CRPPA: variants seen among roughly 807,000 people sequenced by gnomAD.
The protein encoded by CRPPA is D-ribitol-5-phosphate cytidylyltransferase.
In CRPPA, 43 loss-of-function variants were observed where a neutral mutation model predicts 52.0. That is an observed-to-expected ratio of 0.83 (90% CI 0.65 to 1.07). The LOEUF (loss-of-function observed/expected upper bound fraction) is 1.07. Ranked by LOEUF, CRPPA falls within the 50% of genes least tolerant of loss-of-function variation. The pLI, the probability that CRPPA is intolerant of heterozygous loss-of-function variation, is 0.00. For synonymous variants in CRPPA, 250 were observed against 203.5 expected, an observed-to-expected ratio of 1.23 and a Z score of -1.94; for missense variants, 629 against 551.7, an observed-to-expected ratio of 1.14 and a Z score of -1.40.
At chr7:16,393,090 T>C (rs7792985) in intron 2 of CRPPA, among the ~76,000 whole-genome samples, 3,288 of 152,214 alleles carry the variant, frequency 0.022, 113 homozygotes, top group African/African-American at 0.075. Context: ...GATACAATAA[T>C]GCAAAATATT....
intron 4 of CRPPA, 75 bp from the exon 5 acceptor site, chr7:16,301,541 G>T: frequency 9.5e-7 from 1 of 1,050,408 alleles, no homozygotes; most frequent in Non-Finnish European, 1.4e-6. Flanking sequence ...ATGCCCCCAA[G>T]GAAATTCTTG....
At position 16,269,421 on chromosome 7, in the gene CRPPA, A is replaced by G. The variant is rs1260562043; in HGVS notation, c.933+8708T>C. The stretch of plus-strand genomic sequence containing the variant: ...GAATAGAGTGCAAAAGAGGTAGAAG[A>G]CTAATCGTTTCAAGACATGTTGAGC... On this transcript the variant is annotated intron_variant, in intron 6 of 9. Coordinates refer to ENST00000407010, the MANE Select transcript of CRPPA (RefSeq NM_001101426.4). 8.5e-5 allele frequency: 13 copies of G among 152,164 alleles called. No homozygotes were observed. In the East Asian group the frequency reaches 2.3e-3, roughly 27 times the overall value. 9.4% of individuals were successfully genotyped at this position (152,164 alleles called of 1,614,324 possible). A position where few individuals can be genotyped will look rare whatever the true frequency, so the allele number is the denominator to read the frequency against.
At chr7:16,173,009 A>T (rs370997153) in intron 9 of CRPPA, among the ~76,000 whole-genome samples, 1 of 152,244 alleles carries the variant, frequency 6.6e-6, no homozygotes. Context: ...TTAAATGTGT[A>T]GTCAATATTT....
chr7:16,387,070 T>TACACACAC (rs1562671553), intron 2 of CRPPA, among the ~76,000 whole-genome samples: 13 of 67,610 alleles, frequency 1.9e-4, no homozygotes, highest in Non-Finnish European at 2.9e-4. Flanking sequence ...TATATATATA[T>TACACACAC]ATATATATAT....
intron 3 of CRPPA, among the ~76,000 whole-genome samples, chr7:16,351,402 TCACAAATG>T (rs1392004741): frequency 2.0e-5 from 3 of 152,080 alleles, no homozygotes; most frequent in African/African-American, 7.2e-5. Flanking sequence ...AAGCCAGACT[TCACAAATG>T]GGATCTAATT....
In CRPPA at chr7:16,200,869, T is replaced by C. The variant is rs1234456151; in HGVS notation, c.1251+15197A>G. 2.6e-5 allele frequency among the ~76,000 whole-genome samples: 4 copies of C among 152,200 alleles called. No individual in the cohort carries two copies. The East Asian group carries it at 7.7e-4, about 29-fold the overall frequency. On this transcript the variant is annotated intron_variant, in intron 9 of 9. Transcript: ENST00000407010. ...CTGAAACAAATATCTAATACATAGA[T>C]ATCAAAAACTGTTCTTGCTTAACAG...
chr7:16,271,501 G>A (rs543387623), intron 6 of CRPPA, among the ~76,000 whole-genome samples: 1 of 152,164 alleles, frequency 6.6e-6, no homozygotes, highest in South Asian at 2.1e-4. Context: ...AAGCCTACAA[G>A]GCTCTTTCCT....
intron 8 of CRPPA, among the ~76,000 whole-genome samples, chr7:16,235,505 T>C (rs1254538412): frequency 6.6e-6 from 1 of 152,100 alleles, no homozygotes; most frequent in African/African-American, 2.4e-5. Flanking sequence ...TAATACAGTA[T>C]TCCTGGAATA....
intron 5 of CRPPA, among the ~76,000 whole-genome samples, chr7:16,287,186 T>A (rs1435302015): frequency 1.3e-5 from 2 of 152,210 alleles, no homozygotes; most frequent in Non-Finnish European, 2.9e-5. Flanking sequence ...TTGCCCAAGT[T>A]CACAGGCATA....
In CRPPA at chr7:16,088,562, C is replaced by G. The variant is rs886062149; in HGVS notation, c.*3133G>C. 6.6e-6 allele frequency: 1 copy of G among 151,980 alleles called. No individual in the cohort carries two copies. The highest frequency in any genetic ancestry group is 1.5e-5 in the Non-Finnish European group (1 of 68,142). The allele number at this position is 151,980 out of a possible 1,614,324, so 9.4% of individuals were successfully genotyped here. On this transcript the variant is annotated 3_prime_UTR_variant, in exon 10 of 10. Transcript: ENST00000407010. ...CCTCCTGAGTAGCTGGGACTACAGG[C>G]GCCCGCCACGATGCCTGGCTATTTT...
chr7:16,144,587 A>G (rs1782936681), intron 9 of CRPPA, among the ~76,000 whole-genome samples: 1 of 152,212 alleles, frequency 6.6e-6, no homozygotes, highest in East Asian at 1.9e-4. Flanking sequence ...GTTTATCTAA[A>G]TAGCTTGTTT....
chr7:16,271,320 T>C (rs1210885407), intron 6 of CRPPA, among the ~76,000 whole-genome samples: 2 of 152,164 alleles, frequency 1.3e-5, no homozygotes, highest in African/African-American at 4.8e-5. Flanking sequence ...AGAGGTTTCC[T>C]CTGTAGAACT....
At chr7:16,331,668 A>C (rs1266657849) in intron 3 of CRPPA, among the ~76,000 whole-genome samples, 1 of 152,188 alleles carries the variant, frequency 6.6e-6, no homozygotes, top group East Asian at 1.9e-4. Flanking sequence ...AGAAGGAATC[A>C]AAAAGAAATG....
chr7:16,268,765 A>T (rs1299852753), intron 6 of CRPPA: 1 of 152,150 alleles, frequency 6.6e-6, no homozygotes, highest in East Asian at 1.9e-4. Flanking sequence ...AATACATTTT[A>T]AAAATATTGC....
chr7:16,148,917 C>T (rs1019687393), intron 9 of CRPPA, among the ~76,000 whole-genome samples: 1 of 152,060 alleles, frequency 6.6e-6, no homozygotes, highest in African/African-American at 2.4e-5. Flanking sequence ...ACCAAAATAT[C>T]ACTCTATTTC....
At chr7:16,292,075 C>T (rs1362764911) in intron 5 of CRPPA, among the ~76,000 whole-genome samples, 1 of 151,870 alleles carries the variant, frequency 6.6e-6, no homozygotes, top group African/African-American at 2.4e-5. Context: ...TTATCTAACA[C>T]AACATTAGCC....
intron 3 of CRPPA, among the ~76,000 whole-genome samples, chr7:16,322,032 G>A (rs1297014543): frequency 6.6e-6 from 1 of 152,088 alleles, no homozygotes; most frequent in Non-Finnish European, 1.5e-5. Context: ...TCCTAGCCCT[G>A]ATGACACCTC....
At chr7:16,206,907 A>T (rs1046613360) in intron 9 of CRPPA, among the ~76,000 whole-genome samples, 11 of 152,140 alleles carry the variant, frequency 7.2e-5, no homozygotes, top group African/African-American at 2.7e-4. Flanking sequence ...AGGAAGTTTG[A>T]ATCTTAATTA....
At chr7:16,285,000 A>C (rs1278785369) in intron 5 of CRPPA, among the ~76,000 whole-genome samples, 1 of 152,180 alleles carries the variant, frequency 6.6e-6, no homozygotes, top group African/African-American at 2.4e-5. Flanking sequence ...GGCACACAAA[A>C]TATTTAAAAT....
Sources: gnomAD v4.1 joint callset for allele counts (sites outside exome capture counted in the v4.1 genomes callset) on GRCh38, gnomAD v4.1.1 for gene constraint, MANE v1.5 for transcripts, NCBI Gene and HGNC (gene_info 2026-07-23, HGNC 2026-07-21) for gene names.